The following HEPACAM2 variants were observed in gnomAD, a reference collection of about 807,000 sequenced individuals.
HEPACAM2 encodes the protein HEPACAM family member 2, also known as mitotic kinetics regulator.
In HEPACAM2, 49 loss-of-function variants were observed where a neutral mutation model predicts 49.6. The observed-to-expected ratio is 0.99, with a 90% CI of 0.78 to 1.25. The LOEUF (loss-of-function observed/expected upper bound fraction) is 1.25. HEPACAM2 is among the 50% of genes most tolerant of loss of function. HEPACAM2 has a pLI of 0.00. For missense variants in HEPACAM2, 525 were observed against 557.2 expected, an observed-to-expected ratio of 0.94 and a Z score of 0.58; for synonymous variants, 197 against 202.9, an observed-to-expected ratio of 0.97 and a Z score of 0.25.
At chr7:93,208,445 G>T in intron 4 of HEPACAM2, 135 bp downstream of exon 4, 3 of 763,126 alleles carry the variant, frequency 3.9e-6, no homozygotes, top group African/African-American at 1.8e-5. Context: ...AGTTAACTTT[G>T]GAAAGAGAGA....
In HEPACAM2 at chr7:93,219,450, AC is replaced by A; in HGVS notation, c.80del (p.Gly27ValfsTer6). On this transcript the variant is annotated frameshift_variant and splice_region_variant, in exon 2 of 10. Transcript: ENST00000394468. LOFTEE classifies it high-confidence loss of function. Reference protein sequence around the residue: ...FQCKIYLLLFGACSGLKVTVP... With the variant: ...FQCKIYLLLFXACSGLKVTVP... Reference sequence around the variant, plus strand: ...CTGTCACCTTCAGCCCCGAGCAAGCACCTGTTGCAAAGGAAAGGAAAGTTGT... The same window carrying A: ...CTGTCACCTTCAGCCCCGAGCAAGCACTGTTGCAAAGGAAAGGAAAGTTGT... 1 of 1,613,816 alleles carries A rather than the reference AC, an allele frequency of 6.2e-7. No homozygotes were observed. The highest frequency in any genetic ancestry group is 8.5e-7 in the Non-Finnish European group (1 of 1,179,930).
chr7:93,220,294 A>G (rs1794422255), intron 1 of HEPACAM2, among the ~76,000 whole-genome samples: 1 of 152,202 alleles, frequency 6.6e-6, no homozygotes, highest in Admixed American at 6.5e-5. Context: ...AACAGGGAGA[A>G]CACTTAGTTA....
intron 4 of HEPACAM2, among the ~76,000 whole-genome samples, chr7:93,205,289 A>G (rs55863225): frequency 1.3e-5 from 2 of 152,100 alleles, no homozygotes; most frequent in Non-Finnish European, 2.9e-5. Context: ...TCTTAGAAAG[A>G]GAAAAACACA....
At chr7:93,207,292 T>G (rs1442297211) in intron 4 of HEPACAM2, among the ~76,000 whole-genome samples, 1 of 152,124 alleles carries the variant, frequency 6.6e-6, no homozygotes, top group African/African-American at 2.4e-5. Flanking sequence ...AAACTTGTTC[T>G]TCCACCAGTC....
At chr7:93,191,653 G>T (rs1009048629) in intron 9 of HEPACAM2, among the ~76,000 whole-genome samples, 2 of 152,080 alleles carry the variant, frequency 1.3e-5, no homozygotes, top group African/African-American at 4.8e-5. Flanking sequence ...AGGAAAGGGA[G>T]ACTTCTTAGT....
intron 4 of HEPACAM2, among the ~76,000 whole-genome samples, chr7:93,198,608 TCCATATTA>T (rs368021761): frequency 1.3e-5 from 2 of 152,142 alleles, no homozygotes; most frequent in African/African-American, 2.4e-5. Context: ...ACAGATGTCT[TCCATATTA>T]CCATGTGAAT....
chr7:93,202,549 A>G (rs1793922285), intron 4 of HEPACAM2, among the ~76,000 whole-genome samples: 1 of 152,086 alleles, frequency 6.6e-6, no homozygotes, highest in Non-Finnish European at 1.5e-5. Context: ...CATGTGCTTC[A>G]AATCTTTCAC....
chr7:93,193,934 G>T (rs190768513), intron 8 of HEPACAM2, among the ~76,000 whole-genome samples: 1 of 152,122 alleles, frequency 6.6e-6, no homozygotes, highest in East Asian at 1.9e-4. Context: ...TCCTCCTCAT[G>T]TCCCTGTCCT....
At position 93,219,101 on chromosome 7, in the gene HEPACAM2, C is replaced by G. The variant is rs1459473334; in HGVS notation, c.430G>C (p.Asp144His). 2 of 1,612,506 alleles carry G rather than the reference C, an allele frequency of 1.2e-6. No homozygotes were observed. The highest frequency in any genetic ancestry group is 3.3e-5 in the Admixed American group (2 of 59,920). ...ASQKIQVTVD[D>H]PVTKPVVQIH... ...CCTCGTACACTCACAGGGGACTCAC[C>G]ATCAACCGTGACTTGTATCTTCTGA... The change falls in exon 2 of 10, where the codon GAT becomes CAT. Residue 144 changes from aspartate (D) to histidine (H), a missense_variant and splice_region_variant. Physicochemically the swap from Asp to His is moderately conservative, Grantham distance 81. Transcript: ENST00000394468.
chr7:93,202,572 A>T (rs2374616), intron 4 of HEPACAM2, among the ~76,000 whole-genome samples: 1 of 151,940 alleles, frequency 6.6e-6, no homozygotes, highest in Non-Finnish European at 1.5e-5. Context: ...CTTAATAGCC[A>T]GACTGCCATC....
chr7:93,207,941 GTGT>G (rs1471043072), intron 4 of HEPACAM2, among the ~76,000 whole-genome samples: 5 of 152,042 alleles, frequency 3.3e-5, no homozygotes, highest in Admixed American at 6.6e-5. Flanking sequence ...AGAAGAGAAG[GTGT>G]AGAAGGATGA....
intron 1 of HEPACAM2, among the ~76,000 whole-genome samples, chr7:93,220,205 A>T (rs1469956870): frequency 6.6e-6 from 1 of 152,174 alleles, no homozygotes; most frequent in Non-Finnish European, 1.5e-5. Flanking sequence ...TCATGAACAG[A>T]AAAGGGCTAT....
chr7:93,223,508 T>C (rs1056813596), intron 1 of HEPACAM2, among the ~76,000 whole-genome samples: 6 of 152,164 alleles, frequency 3.9e-5, no homozygotes, highest in African/African-American at 1.4e-4. Context: ...TTTGTGATCA[T>C]TATTTAGGGG....
At chr7:93,226,291 A>G (rs1794537582) in intron 1 of HEPACAM2, 77 bp downstream of exon 1, 2 of 1,087,540 alleles carry the variant, frequency 1.8e-6, no homozygotes, top group Admixed American at 2.0e-5. Flanking sequence ...AGCCTAAAGC[A>G]AATATTTACC....
In HEPACAM2 at chr7:93,189,116, A is replaced by T; in HGVS notation, c.*151T>A. 1 of 585,534 alleles carries T rather than the reference A, an allele frequency of 1.7e-6. No homozygotes were observed. Among genetic ancestry groups the T allele is most frequent in the South Asian group, 2.5e-5 (1 of 39,572 alleles). The allele number at this position is 585,534 out of a possible 1,614,324, so 36.3% of individuals were successfully genotyped here. A position where few individuals can be genotyped will look rare whatever the true frequency, so the allele number is the denominator to read the frequency against. ...AAAAACCTGCAGTTCAATTTGCATAAATGCCTCTATTCTGCATGTAAAGGA... is the reference window on the plus strand; with the variant it reads ...AAAAACCTGCAGTTCAATTTGCATATATGCCTCTATTCTGCATGTAAAGGA... On this transcript the variant is annotated 3_prime_UTR_variant, in exon 10 of 10. Coordinates refer to ENST00000394468, the MANE Select transcript of HEPACAM2 (RefSeq NM_001039372.4).
intron 9 of HEPACAM2, 30 bp downstream of exon 9, chr7:93,192,224 T>C (rs771230645): frequency 6.7e-7 from 1 of 1,503,014 alleles, no homozygotes; most frequent in South Asian, 1.1e-5. Flanking sequence ...AGCCTCTCCA[T>C]AGCACCATCA....
intron 3 of HEPACAM2, among the ~76,000 whole-genome samples, chr7:93,214,728 A>C (rs568692910): frequency 1.3e-5 from 2 of 152,290 alleles, no homozygotes; most frequent in South Asian, 2.1e-4. Flanking sequence ...ATATTCTGTG[A>C]TAATAATGAG....
Position 93,215,635 on chromosome 7 carries a change from C to G in HEPACAM2, c.481G>C (p.Glu161Gln), listed in dbSNP as rs1448187183. The change falls in exon 3 of 10, where the codon GAG (glutamate) becomes CAG (glutamine). Residue 161 changes from glutamate to glutamine, a missense_variant. Physicochemically the swap from Glu to Gln is conservative, Grantham distance 29. Transcript: ENST00000394468. ...VQIHPPSGAV[E>Q]YVGNMTLTCH... ...GTCAGGGTCATGTTCCCCACATACTCCACAGCCCCAGAGGGAGGATGAATC... is the reference window on the plus strand; with the variant it reads ...GTCAGGGTCATGTTCCCCACATACTGCACAGCCCCAGAGGGAGGATGAATC... 2 of 1,613,690 alleles carry G rather than the reference C, an allele frequency of 1.2e-6. No individual in the cohort carries two copies. The highest frequency in any genetic ancestry group is 1.1e-5 in the South Asian group (1 of 91,060).
chr7:93,197,423 G>C, intron 5 of HEPACAM2, 26 bp from the exon 6 acceptor site: 1 of 1,586,970 alleles, frequency 6.3e-7, no homozygotes. Context: ...AAGAAAAATG[G>C]TAAGGTTTTT....
Sources: allele counts gnomAD v4.1 joint callset (sites outside exome capture counted in the v4.1 genomes callset), GRCh38; gene constraint gnomAD v4.1.1; transcripts MANE v1.5; gene names NCBI Gene and HGNC (gene_info 2026-07-23, HGNC 2026-07-21).